The following CAGE1 variants were observed in gnomAD, a reference collection of about 807,000 sequenced individuals.
CAGE1 encodes cancer-associated gene 1 protein.
In CAGE1, 66 loss-of-function variants were observed where a neutral mutation model predicts 94.9. The observed-to-expected ratio is 0.70, with a 90% confidence interval of 0.57 to 0.85. The LOEUF is 0.85. Ranked by LOEUF, CAGE1 falls within the 40% of genes least tolerant of loss-of-function variation. The pLI, the probability that CAGE1 is intolerant of heterozygous loss-of-function variation, is 0.00. For missense variants in CAGE1, 865 were observed against 950.4 expected, an observed-to-expected ratio of 0.91 and a Z score of 1.18; for synonymous variants, 319 against 321.0, an observed-to-expected ratio of 0.99 and a Z score of 0.07.
chr6:7,368,872 T>A (rs1161111819), intron 6 of CAGE1, 74 bp from the exon 7 acceptor site: 11 of 807,138 alleles, frequency 1.4e-5, no homozygotes, highest in Non-Finnish European at 2.2e-5. Flanking sequence ...ACTATGCATA[T>A]GAAACAAAAA....
At chr6:7,360,195 C>T (rs920444122) in intron 9 of CAGE1, among the ~76,000 whole-genome samples, 3 of 152,146 alleles carry the variant, frequency 2.0e-5, no homozygotes, top group African/African-American at 7.2e-5. Flanking sequence ...ATAATGTACC[C>T]CTGAATCTCA....
At position 7,385,920 on chromosome 6, in the gene CAGE1, T is replaced by C. The variant is rs142983143; in HGVS notation, c.196-48A>G. 2.4e-3 allele frequency: 2,459 copies of C among 1,004,442 alleles called. 36 individuals carry two copies. In the African/African-American group the frequency reaches 0.035, roughly 14 times the overall value. The allele number at this position is 1,004,442 out of a possible 1,614,324, so 62.2% of individuals were successfully genotyped here. The stretch of plus-strand genomic sequence containing the variant: ...AATACTTCAAGCAAACATCACAAGC[T>C]TCTTCTAAAGGTATTTGCACATTGT... On this transcript the variant is annotated intron_variant, in intron 2 of 13. Transcript: ENST00000502583.
At chr6:7,365,717 A>T in intron 8 of CAGE1, 87 bp downstream of exon 8, 1 of 1,312,420 alleles carries the variant, frequency 7.6e-7, no homozygotes, top group Non-Finnish European at 1.1e-6. Context: ...AACTAGAAGT[A>T]CTTCAACAAA....
Position 7,374,032 on chromosome 6 carries a change from C to A in CAGE1, c.787G>T (p.Glu263Ter), listed in dbSNP as rs764550691. Residue 263 changes from glutamate (E) to a stop codon, truncating the protein, a stop_gained, in exon 5 of 14, where the codon GAA (glutamate) becomes TAA (stop). Transcript: ENST00000502583. LOFTEE classifies it high-confidence loss of function. ...GCCGAAGACCAAGTTGAGACAATTTCTGGCCTCTCCACACCCTCTGCTGTG... is the reference window on the plus strand; with the variant it reads ...GCCGAAGACCAAGTTGAGACAATTTATGGCCTCTCCACACCCTCTGCTGTG... The part of the protein sequence containing the change: ...EVTAEGVERP[E>*]IVSTWSSAGI... 6.2e-7 allele frequency: 1 copy of A among 1,614,034 alleles called. No homozygotes were observed. Among genetic ancestry groups the A allele is most frequent in the African/African-American group, 1.3e-5 (1 of 75,062 alleles).
At position 7,378,633 on chromosome 6, in the gene CAGE1, G is replaced by A; in HGVS notation, c.671C>T (p.Pro224Leu). The stretch of plus-strand genomic sequence containing the variant: ...TACACTTTCCTTACATAAGAAGCTT[G>A]GAGGTTGGCTAGGGTTGAGGGCAGA... ...KESALNPSQP[P>L]SFLCKTAVPS... The change falls in exon 4 of 14, where the codon CCA (proline) becomes CTA (leucine). Residue 224 changes from proline to leucine, a missense_variant. Physicochemically the swap from Pro to Leu is moderately conservative, Grantham distance 98 (BLOSUM62 -3). Coordinates refer to ENST00000502583, the MANE Select transcript of CAGE1 (RefSeq NM_001170692.2). 6.3e-7 allele frequency: 1 copy of A among 1,586,630 alleles called. No homozygotes were observed. Among genetic ancestry groups the A allele is most frequent in the Non-Finnish European group, 8.5e-7 (1 of 1,170,954 alleles).
intron 11 of CAGE1, chr6:7,347,505 G>C (rs1449274949): frequency 9.4e-6 from 1 of 106,642 alleles, no homozygotes; most frequent in South Asian, 2.9e-4. Context: ...AGCGAGGGTG[G>C]GGGGGGGGGT....
At chr6:7,347,515 T>TG (rs1561853738) in intron 11 of CAGE1, 20 of 15,334 alleles carry the variant, frequency 1.3e-3, no homozygotes, top group Non-Finnish European at 1.7e-3. Context: ...GGGGGGGGGG[T>TG]TGGGGGGGGC....
chr6:7,387,194 C>A lies in CAGE1; in HGVS notation c.-21G>T. 1 of 1,508,116 alleles carries A rather than the reference C, an allele frequency of 6.6e-7. No individual in the cohort carries two copies. Among genetic ancestry groups the A allele is most frequent in the South Asian group, 1.2e-5 (1 of 80,638 alleles). 93.4% of individuals were successfully genotyped at this position (1,508,116 alleles called of 1,614,324 possible). ...TTCATAACTGTTGAACAATAGAAGA[C>A]TTCTTTAAAAAAAAAATGTGTCTAT... On this transcript the variant is annotated splice_region_variant and 5_prime_UTR_variant, in exon 2 of 14. Transcript: ENST00000502583.
At chr6:7,358,503 A>G (rs1017491630) in intron 9 of CAGE1, among the ~76,000 whole-genome samples, 2 of 152,150 alleles carry the variant, frequency 1.3e-5, no homozygotes, top group African/African-American at 2.4e-5. Flanking sequence ...CAAAGACCTC[A>G]TACATATTTG....
At chr6:7,367,278 ATTTT>A (rs70978961) in intron 7 of CAGE1, among the ~76,000 whole-genome samples, 1 of 111,220 alleles carries the variant, frequency 9.0e-6, no homozygotes, top group African/African-American at 3.8e-5. Flanking sequence ...TATTTGGGGG[ATTTT>A]TTTTTTTTTT....
At chr6:7,333,626 C>CCA (rs1561846001) in intron 12 of CAGE1, among the ~76,000 whole-genome samples, 18 of 58,252 alleles carry the variant, frequency 3.1e-4, no homozygotes, top group African/African-American at 1.9e-3. Context: ...TATTATCTAA[C>CCA]TATCTATCTA....
intron 1 of CAGE1, among the ~76,000 whole-genome samples, chr6:7,387,413 A>G (rs1200077135): frequency 6.6e-6 from 1 of 152,198 alleles, no homozygotes; most frequent in Non-Finnish European, 1.5e-5. Flanking sequence ...CTACTATCCA[A>G]TAACTCCCTA....
intron 9 of CAGE1, among the ~76,000 whole-genome samples, chr6:7,358,035 T>TATATGTATATATATATATATATATAC (rs1760028973): frequency 7.0e-5 from 3 of 42,934 alleles, no homozygotes; most frequent in Non-Finnish European, 4.3e-5. Context: ...GAGATATATA[T>TATATGTATATATATATATATATATAC]ATATATATAT....
chr6:7,337,660 A>G (rs1351105197), intron 11 of CAGE1, among the ~76,000 whole-genome samples: 1 of 152,184 alleles, frequency 6.6e-6, no homozygotes, highest in African/African-American at 2.4e-5. Context: ...GTCAAAAATC[A>G]CTTGTCCATA....
intron 13 of CAGE1, among the ~76,000 whole-genome samples, chr6:7,327,705 C>T (rs1256289182): frequency 4.6e-5 from 7 of 151,840 alleles, no homozygotes; most frequent in Non-Finnish European, 8.8e-5. Context: ...CTGAGGCAGG[C>T]GGACCACCTG....
At position 7,339,422 on chromosome 6, in the gene CAGE1, A is replaced by T. The variant is rs1759085582; in HGVS notation, c.2370-5332T>A. ...CATTCTGTGTTCTGGTGGCTAAGAC[A>T]ATGATTTCTGTCCTGGTTGGTGTAA... On this transcript the variant is annotated intron_variant, in intron 11 of 13. Transcript: ENST00000502583. The surrounding 1 kb of genome is among the most constrained non-coding windows in gnomAD (Gnocchi z 4.7). 2 of 1,496,776 alleles carry T rather than the reference A, an allele frequency of 1.3e-6. No homozygotes were observed. Among genetic ancestry groups the T allele is most frequent in the Non-Finnish European group, 1.9e-6 (2 of 1,074,388 alleles). The allele number at this position is 1,496,776 out of a possible 1,614,324, so 92.7% of individuals were successfully genotyped here. A position where few individuals can be genotyped will look rare whatever the true frequency, so the allele number is the denominator to read the frequency against.
chr6:7,337,803 CTTCT>C (rs1415570830), intron 11 of CAGE1, among the ~76,000 whole-genome samples: 1 of 152,112 alleles, frequency 6.6e-6, no homozygotes, highest in African/African-American at 2.4e-5. Context: ...CCATTTTATC[CTTCT>C]TTATCAGAGT....
At chr6:7,345,250 C>G (rs756056493) in intron 11 of CAGE1, among the ~76,000 whole-genome samples, 1 of 152,186 alleles carries the variant, frequency 6.6e-6, no homozygotes, top group African/African-American at 2.4e-5. Context: ...GAAGGAACAA[C>G]TCCAGACACG....
At chr6:7,349,430 T>C (rs1348850017) in intron 11 of CAGE1, among the ~76,000 whole-genome samples, 1 of 151,756 alleles carries the variant, frequency 6.6e-6, no homozygotes, top group Non-Finnish European at 1.5e-5. Flanking sequence ...TTGAAACAAA[T>C]CCTGGAAACA....
Sources: allele counts gnomAD v4.1 joint callset (sites outside exome capture counted in the v4.1 genomes callset), GRCh38; gene constraint gnomAD v4.1.1; non-coding constraint Gnocchi (gnomAD v3.1); transcripts MANE v1.5; gene names NCBI Gene and HGNC (gene_info 2026-07-23, HGNC 2026-07-21).